Variants in PRKACB observed in about 807,000 individuals in gnomAD.
PRKACB encodes cAMP-dependent protein kinase catalytic subunit beta.
In PRKACB, 16 loss-of-function variants were observed where a neutral mutation model predicts 51.4. The observed-to-expected ratio is 0.31, with a 90% CI of 0.21 to 0.47. The LOEUF is 0.47. Ranked by LOEUF, PRKACB falls within the 20% of genes least tolerant of loss-of-function variation. The pLI is 1.00. For synonymous variants in PRKACB, 147 were observed against 154.4 expected, an observed-to-expected ratio of 0.95 and a Z score of 0.35; for missense variants, 309 against 464.5, an observed-to-expected ratio of 0.67 and a Z score of 3.08.
At chr1:84,222,283 CTCT>C (rs966144411) in intron 9 of PRKACB, among the ~76,000 whole-genome samples, 3 of 151,996 alleles carry the variant, frequency 2.0e-5, no homozygotes, top group Non-Finnish European at 4.4e-5. Flanking sequence ...CTTTTTCTGT[CTCT>C]TCACTTTCAG....
chr1:84,190,887 T>C (rs1666574152), intron 5 of PRKACB, among the ~76,000 whole-genome samples: 1 of 152,090 alleles, frequency 6.6e-6, no homozygotes. Context: ...CCATGGTAGT[T>C]CTTTCTCCAT....
At chr1:84,151,898 G>T (rs1654897499) in intron 1 of PRKACB, among the ~76,000 whole-genome samples, 1 of 152,154 alleles carries the variant, frequency 6.6e-6, no homozygotes, top group Admixed American at 6.6e-5. Flanking sequence ...TGTTGATGTT[G>T]ATATTCTGAC....
At chr1:84,088,912 G>T (rs1648234356) in intron 1 of PRKACB, among the ~76,000 whole-genome samples, 1 of 152,176 alleles carries the variant, frequency 6.6e-6, no homozygotes, top group Admixed American at 6.5e-5. Flanking sequence ...GGGTGAAAAT[G>T]TAGCATAGGA....
At chr1:84,182,352 C>A (rs773772175) in intron 3 of PRKACB, 24 bp downstream of exon 3, 6 of 1,496,114 alleles carry the variant, frequency 4.0e-6, no homozygotes, top group Non-Finnish European at 4.5e-6. Flanking sequence ...TTGTTATTTA[C>A]CTTCAGGGTA....
At chr1:84,201,277 T>C (rs1473535607) in intron 7 of PRKACB, among the ~76,000 whole-genome samples, 1 of 152,168 alleles carries the variant, frequency 6.6e-6, no homozygotes, top group African/African-American at 2.4e-5. Context: ...ATTGTTTTAA[T>C]TCTCATGTTT....
At chr1:84,233,248 C>T (rs1169906335) in intron 9 of PRKACB, among the ~76,000 whole-genome samples, 1 of 152,130 alleles carries the variant, frequency 6.6e-6, no homozygotes, top group Non-Finnish European at 1.5e-5. Flanking sequence ...GGCACCCACT[C>T]TCTTCTGGCT....
intron 8 of PRKACB, among the ~76,000 whole-genome samples, chr1:84,209,380 C>A (rs1320264802): frequency 6.6e-6 from 1 of 152,086 alleles, no homozygotes; most frequent in South Asian, 2.1e-4. Context: ...ACTCCACCCA[C>A]CCCCCTCCAC....
chr1:84,165,305 G>C (rs1404591264), intron 1 of PRKACB, among the ~76,000 whole-genome samples: 1 of 151,800 alleles, frequency 6.6e-6, no homozygotes, highest in Non-Finnish European at 1.5e-5. Context: ...AAATTAGTAA[G>C]TAGACTAACC....
At chr1:84,226,874 G>A (rs1674697467) in intron 9 of PRKACB, among the ~76,000 whole-genome samples, 1 of 152,024 alleles carries the variant, frequency 6.6e-6, no homozygotes, top group African/African-American at 2.4e-5. Flanking sequence ...ATATAAAGTT[G>A]GCCATTTGGC....
chr1:84,109,832 CT>C (rs1486342431), intron 1 of PRKACB, among the ~76,000 whole-genome samples: 1 of 151,700 alleles, frequency 6.6e-6, no homozygotes, highest in Non-Finnish European at 1.5e-5. Context: ...GCTCATATTT[CT>C]ATTGAAGTAT....
intron 1 of PRKACB, among the ~76,000 whole-genome samples, chr1:84,172,141 T>A (rs1024996354): frequency 6.6e-6 from 1 of 151,598 alleles, no homozygotes; most frequent in African/African-American, 2.4e-5. Context: ...GACAATAAAT[T>A]GATGCTACCA....
chr1:84,117,975 G>C (rs1019937274), intron 1 of PRKACB, among the ~76,000 whole-genome samples: 4 of 152,182 alleles, frequency 2.6e-5, no homozygotes, highest in African/African-American at 9.7e-5. Context: ...CCTTGCTGCA[G>C]CTGTTCATGC....
chr1:84,205,064 C>T, intron 8 of PRKACB: 2 of 982,336 alleles, frequency 2.0e-6, no homozygotes, highest in Non-Finnish European at 2.4e-6. Flanking sequence ...TCTGTTTTCC[C>T]CTTCATTTAT....
intron 9 of PRKACB, among the ~76,000 whole-genome samples, chr1:84,227,827 A>G (rs1674888753): frequency 6.6e-6 from 1 of 152,270 alleles, no homozygotes; most frequent in African/African-American, 2.4e-5. Context: ...CTCAAGTATT[A>G]TAACTATGCA....
chr1:84,079,746 A>G (rs1647375600), intron 1 of PRKACB, among the ~76,000 whole-genome samples: 1 of 152,142 alleles, frequency 6.6e-6, no homozygotes, highest in Non-Finnish European at 1.5e-5. Flanking sequence ...GCTCACTGCA[A>G]CCTCTGCCTC....
At chr1:84,110,304 G>A (rs1650121656) in intron 1 of PRKACB, among the ~76,000 whole-genome samples, 1 of 151,782 alleles carries the variant, frequency 6.6e-6, no homozygotes, top group South Asian at 2.1e-4. Context: ...AAATAATCTA[G>A]AGATGATTTA....
intron 9 of PRKACB, among the ~76,000 whole-genome samples, chr1:84,222,115 G>A (rs1673823297): frequency 6.6e-6 from 1 of 151,922 alleles, no homozygotes; most frequent in African/African-American, 2.4e-5. Context: ...TCTAGTATTG[G>A]ATGCATATAT....
At chr1:84,108,651 A>G (rs1227752531) in intron 1 of PRKACB, among the ~76,000 whole-genome samples, 2 of 152,042 alleles carry the variant, frequency 1.3e-5, no homozygotes, top group Non-Finnish European at 2.9e-5. Flanking sequence ...TCATTTGCAG[A>G]TGAGAAACTG....
chr1:84,109,100 G>C lies in PRKACB; in HGVS notation c.46+30729G>C, dbSNP rs181335302. On this transcript the variant is annotated intron_variant, in intron 1 of 8. Transcript: ENST00000370688. The stretch of plus-strand genomic sequence containing the variant: ...TAGTTGGAAATTGTTCATTTTCTTT[G>C]CTGTATAATGTTCCATTGTGTGAAT... Among the ~76,000 whole-genome samples the C allele has an allele frequency of 8.7e-4, 132 of 151,934 alleles. 1 individual carries two copies. The highest frequency in any genetic ancestry group is 2.7e-4 in the Non-Finnish European group (18 of 67,824).
Sources: allele counts gnomAD v4.1 joint callset (sites outside exome capture counted in the v4.1 genomes callset), GRCh38; gene constraint gnomAD v4.1.1; transcripts MANE v1.5; gene names NCBI Gene and HGNC (gene_info 2026-07-23, HGNC 2026-07-21).